Variants in BIRC6 observed in about 807,000 individuals in gnomAD.
BIRC6 encodes baculoviral IAP repeat containing 6.
Under a neutral mutation model 503.3 loss-of-function variants are expected in BIRC6, and 98 were observed. That is an observed-to-expected ratio of 0.19 (90% CI 0.17 to 0.23). The LOEUF (loss-of-function observed/expected upper bound fraction) is 0.23, where lower values mean the gene tolerates loss of function less well. BIRC6 is among the 10% of genes least tolerant of loss of function. The pLI, the probability that BIRC6 is intolerant of heterozygous loss-of-function variation, is 1.00. For synonymous variants in BIRC6, 2,240 were observed against 2,078.7 expected (o/e 1.08, Z -2.11); for missense variants, 5,360 against 5,806.0 (o/e 0.92, Z 2.50).
At position 32,500,420 on chromosome 2, in the gene BIRC6, A is replaced by ATTT. The variant is rs368668031; in HGVS notation, c.9031+325_9031+327dup. 4.6e-4 allele frequency among the ~76,000 whole-genome samples: 65 copies of ATTT among 140,434 alleles called. 1 individual carries two copies. The highest frequency in any genetic ancestry group is 1.5e-3 in the East Asian group (7 of 4,732). The allele number at this position is 140,434 out of a possible 152,430, so 92.1% of individuals were successfully genotyped here. A position where few individuals can be genotyped will look rare whatever the true frequency, so the allele number is the denominator to read the frequency against. On this transcript the variant is annotated intron_variant, in intron 46 of 73. Coordinates refer to ENST00000421745, the MANE Select transcript of BIRC6 (RefSeq NM_016252.4). The stretch of plus-strand genomic sequence containing the variant: ...AGGTGCCTGCCACCACACCCAGCTA[A>ATTT]TTTTTTTTTTTTTTTTACCCCGAGC...
chr2:32,458,305 G>GT (rs1558780716), intron 23 of BIRC6, among the ~76,000 whole-genome samples: 1 of 152,072 alleles, frequency 6.6e-6, no homozygotes, highest in African/African-American at 2.4e-5. Context: ...TGAATCTTTA[G>GT]TTGATAGCCT....
chr2:32,494,247 GAC>G (rs2052135259), intron 45 of BIRC6, among the ~76,000 whole-genome samples: 2 of 118,562 alleles, frequency 1.7e-5, no homozygotes, highest in Admixed American at 1.7e-4. Flanking sequence ...TTTTTTTTTT[GAC>G]ACAGAGTCTC....
At position 32,437,169 on chromosome 2, in the gene BIRC6, C is replaced by T. The variant is rs561285518; in HGVS notation, c.3631+985C>T. ...TCCCCCAAAGTGTTAGGATTGCAGACGTAAGCCACCGCTCCAGGCCAAAAG... is the reference window on the plus strand; with the variant it reads ...TCCCCCAAAGTGTTAGGATTGCAGATGTAAGCCACCGCTCCAGGCCAAAAG... On this transcript the variant is annotated intron_variant, in intron 15 of 73. Transcript: ENST00000421745. Among the ~76,000 whole-genome samples the T allele has an allele frequency of 3.1e-4, 47 of 152,180 alleles. No individual in the cohort carries two copies. The East Asian group carries it at 7.5e-3, about 24-fold the overall frequency.
At chr2:32,580,201 G>A (rs1057197593) in intron 66 of BIRC6, among the ~76,000 whole-genome samples, 11 of 152,036 alleles carry the variant, frequency 7.2e-5, no homozygotes, top group Non-Finnish European at 1.2e-4. Context: ...TAATCCGCCC[G>A]CCTCAGCCTC....
intron 66 of BIRC6, among the ~76,000 whole-genome samples, chr2:32,577,603 A>T (rs1364863984): frequency 6.6e-6 from 1 of 152,170 alleles, no homozygotes; most frequent in Non-Finnish European, 1.5e-5. Flanking sequence ...ATTCTAAGGT[A>T]ATTATAGAAT....
intron 61 of BIRC6, among the ~76,000 whole-genome samples, chr2:32,539,298 A>C (rs1417091810): frequency 6.6e-6 from 1 of 152,234 alleles, no homozygotes. Context: ...AATGAAACAA[A>C]GTGAGGAAGT....
rs769371204 is a variant in BIRC6, at chr2:32,467,721, C to T, written c.5553C>T (p.Pro1851=). 20 of 1,613,018 alleles carry T rather than the reference C, an allele frequency of 1.2e-5. No individual in the cohort carries two copies. Among genetic ancestry groups the T allele is most frequent in the African/African-American group, 2.7e-5 (2 of 74,870 alleles). ...TTCTTCATGACTTAATACCACCTCC[C>T]GTGTGCAGATTCATGAAGGTAAAGA... ...SLILHDLIPP[P]VCRFMKITVI... Residue 1851 remains proline, a synonymous_variant, in exon 27 of 74, where the codon CCC becomes CCT. Transcript: ENST00000421745.
intron 11 of BIRC6, among the ~76,000 whole-genome samples, chr2:32,430,612 T>A (rs1039931884): frequency 6.6e-6 from 1 of 152,116 alleles, no homozygotes; most frequent in African/African-American, 2.4e-5. Flanking sequence ...TGGGTTTGGG[T>A]TTCTTCAATA....
At chr2:32,459,268 T>C (rs1207546206) in intron 23 of BIRC6, among the ~76,000 whole-genome samples, 1 of 152,210 alleles carries the variant, frequency 6.6e-6, no homozygotes, top group Non-Finnish European at 1.5e-5. Flanking sequence ...CCTGTATCAG[T>C]ACATTACTCC....
chr2:32,504,034 TTGTGTGTGTGTG>T lies in BIRC6; in HGVS notation c.9499+830_9499+841del, dbSNP rs556051105. 2.9e-3 allele frequency among the ~76,000 whole-genome samples: 225 copies of T among 78,240 alleles called. 2 individuals are homozygous for T. The highest frequency in any genetic ancestry group is 0.016 in the East Asian group (36 of 2,260). The allele number at this position is 78,240 out of a possible 152,430, so 51.3% of individuals were successfully genotyped here. On this transcript the variant is annotated intron_variant, in intron 49 of 73. Transcript: ENST00000421745. ...ACTGGGGCGGGGGGTGGGGGGGTGT[TTGTGTGTGTGTG>T]TGTGTGTGTGTGTGTGTGTGTGTGT...
rs1287673089 is a variant in BIRC6 at position 32,388,900 on chromosome 2, G to T, written c.796G>T (p.Ala266Ser). 1 of 1,608,016 alleles carries T rather than the reference G, an allele frequency of 6.2e-7. No individual in the cohort carries two copies. The highest frequency in any genetic ancestry group is 2.2e-5 in the East Asian group (1 of 44,602). Reference protein sequence around the residue: ...MDRLSYLLPSARPELGVGPGR... With the variant: ...MDRLSYLLPSSRPELGVGPGR... ...CAGATTGTCTTACCTCTTACCTAGT[G>T]CACGTCCAGAACTCGGAGTGGGGCC... The change falls in exon 4 of 74, where the codon GCA (alanine) becomes TCA (serine). Residue 266 changes from alanine to serine, a missense_variant. Physicochemically the swap from Ala to Ser is moderately conservative, Grantham distance 99. Around this residue, in one of 16 missense-constraint regions of BIRC6, gnomAD observed 134 missense variants for 150.9 expected, o/e 0.89. Transcript: ENST00000421745.
chr2:32,357,383 C>T lies in BIRC6; in HGVS notation c.222C>T (p.Ser74=). The change falls in exon 1 of 74, where the codon TCC becomes TCT. Residue 74 remains serine (S), a synonymous_variant. Transcript: ENST00000421745. This position sits in a 1 kb window ranked among gnomAD's most constrained non-coding sequence, Gnocchi z 4.9. ...HCDADGLHSL[S]YHPALNAILA... is the part of the protein sequence containing the mutation. ...ACGCCGACGGGCTGCACAGCCTGTC[C>T]TACCACCCTGCGCTCAACGCCATCC... 1 of 1,549,000 alleles carries T rather than the reference C, an allele frequency of 6.5e-7. No homozygotes were observed. Among genetic ancestry groups the T allele is most frequent in the East Asian group, 2.4e-5 (1 of 40,828 alleles).
intron 23 of BIRC6, among the ~76,000 whole-genome samples, chr2:32,458,895 G>A (rs1323357046): frequency 6.6e-6 from 1 of 151,564 alleles, no homozygotes; most frequent in East Asian, 1.9e-4. Context: ...TTGCCATGTT[G>A]GCTCAGCTGG....
At position 32,575,277 on chromosome 2, in the gene BIRC6, G is replaced by C. The variant is rs757728603; in HGVS notation, c.13266G>C (p.Glu4422Asp). ...LLPLSTENGE[E>D]EEEQSECQTS... ...CCCTTTCTACAGAGAACGGTGAAGAGGAAGAAGAACAGTCAGAATGTCAAA... is the reference window on the plus strand; with the variant it reads ...CCCTTTCTACAGAGAACGGTGAAGACGAAGAAGAACAGTCAGAATGTCAAA... Residue 4422 changes from glutamate (E) to aspartate (D), a missense_variant, in exon 66 of 74, where the codon GAG becomes GAC. Glu to Asp is a conservative substitution (Grantham distance 45). Transcript: ENST00000421745. 6.2e-7 allele frequency: 1 copy of C among 1,613,990 alleles called. No homozygotes were observed. The highest frequency in any genetic ancestry group is 8.5e-7 in the Non-Finnish European group (1 of 1,179,888).
In BIRC6 at chr2:32,591,416, C is replaced by T. The variant is rs1212302964; in HGVS notation, c.13356-2499C>T. Among the ~76,000 whole-genome samples the T allele has an allele frequency of 2.0e-5, 3 of 152,096 alleles. 1 individual carries two copies. Among genetic ancestry groups the T allele is most frequent in the African/African-American group, 7.2e-5 (3 of 41,436 alleles). On this transcript the variant is annotated intron_variant, in intron 66 of 73. Coordinates refer to ENST00000421745, the MANE Select transcript of BIRC6 (RefSeq NM_016252.4). ...TAACCTTGTGTACTATTTTAATAAT[C>T]TCTTACTAATCTTCTTTTTAAAAGT...
At chr2:32,538,504 A>T (rs1274633591) in intron 61 of BIRC6, among the ~76,000 whole-genome samples, 1 of 152,298 alleles carries the variant, frequency 6.6e-6, no homozygotes, top group Non-Finnish European at 1.5e-5. Flanking sequence ...ATCAAAATAG[A>T]CTCTTCTAAT....
At chr2:32,531,297 A>C in intron 60 of BIRC6, 58 bp from the exon 61 acceptor site, 1 of 1,398,206 alleles carries the variant, frequency 7.2e-7, no homozygotes, top group Non-Finnish European at 9.7e-7. Context: ...TAAATGAAAG[A>C]ATATTATAAA....
In BIRC6 at chr2:32,513,012, T is replaced by C. The variant is rs375708972; in HGVS notation, c.10426T>C (p.Cys3476Arg). 93 of 1,613,826 alleles carry C rather than the reference T, an allele frequency of 5.8e-5. 1 individual carries two copies. The Middle Eastern group carries it at 2.1e-3, about 37-fold the overall frequency. ...MKRSGRMNYM[C>R]PNSSTVEYGL... is the part of the protein sequence containing the mutation. ...GAGAAGTGGCAGGATGAACTACATG[T>C]GTCCTAACTCCTCAACAGTAGAGTA... The change falls in exon 54 of 74, where the codon TGT (cysteine) becomes CGT (arginine). Residue 3476 changes from cysteine to arginine, a missense_variant. By Grantham distance (180) the Cys-to-Arg change is radical. Coordinates refer to ENST00000421745, the MANE Select transcript of BIRC6 (RefSeq NM_016252.4).
At chr2:32,404,853 G>A (rs1337560819) in intron 8 of BIRC6, among the ~76,000 whole-genome samples, 2 of 151,660 alleles carry the variant, frequency 1.3e-5, no homozygotes, top group Non-Finnish European at 2.9e-5. Flanking sequence ...GTGGAGATGG[G>A]GTCTCACTGT....
Sources: allele counts gnomAD v4.1 joint callset (sites outside exome capture counted in the v4.1 genomes callset), GRCh38; gene constraint gnomAD v4.1.1; regional missense constraint gnomAD v4.1.1; non-coding constraint Gnocchi (gnomAD v3.1); transcripts MANE v1.5; gene names NCBI Gene and HGNC (gene_info 2026-07-23, HGNC 2026-07-21).